The following CA8 variants were observed in gnomAD, a reference collection of about 807,000 sequenced individuals.
The protein encoded by CA8 is carbonic anhydrase 8 (inactive).
In CA8, 22 loss-of-function variants were observed where a neutral mutation model predicts 41.4. The observed-to-expected ratio is 0.53, with a 90% CI of 0.38 to 0.76. The LOEUF (loss-of-function observed/expected upper bound fraction) is 0.76. Among genes scored for constraint, CA8 ranks in the 30% least tolerant of loss-of-function variants. The probability of loss-of-function intolerance (pLI) is 0.00; values close to 1 mark genes in which losing one functional copy is unlikely to be tolerated. For missense variants in CA8, 270 were observed against 352.8 expected, an observed-to-expected ratio of 0.77 and a Z score of 1.88; for synonymous variants, 121 against 130.6, an observed-to-expected ratio of 0.93 and a Z score of 0.50.
chr8:60,190,957 T>TATATATAC (rs1554573722), intron 8 of CA8, among the ~76,000 whole-genome samples: 14 of 104,208 alleles, frequency 1.3e-4, no homozygotes, highest in African/African-American at 2.1e-4. Context: ...TATATATATA[T>TATATATAC]ACACACACAC....
intron 8 of CA8, among the ~76,000 whole-genome samples, chr8:60,193,648 G>C (rs1203447958): frequency 6.6e-6 from 1 of 152,150 alleles, no homozygotes. Context: ...CGTTGCTTTT[G>C]AGAAGTCTGG....
intron 2 of CA8, among the ~76,000 whole-genome samples, chr8:60,266,335 C>A (rs1334443061): frequency 6.6e-6 from 1 of 152,102 alleles, no homozygotes; most frequent in Non-Finnish European, 1.5e-5. Flanking sequence ...TAGAAGTAGA[C>A]AAGAAAAACA....
intron 8 of CA8, among the ~76,000 whole-genome samples, chr8:60,190,938 C>CTATATATATATATATATATA (rs35486936): frequency 2.3e-4 from 27 of 117,316 alleles, no homozygotes; most frequent in African/African-American, 3.4e-4. Context: ...CACACACACA[C>CTATATATATATATATATATA]TATATATATA....
chr8:60,248,801 G>T (rs748453161), intron 3 of CA8, among the ~76,000 whole-genome samples: 1 of 152,064 alleles, frequency 6.6e-6, no homozygotes, highest in African/African-American at 2.4e-5. Flanking sequence ...GTCAATGGTA[G>T]TTTAATGGGA....
At chr8:60,280,705 T>C (rs1804385304) in intron 1 of CA8, among the ~76,000 whole-genome samples, 1 of 152,244 alleles carries the variant, frequency 6.6e-6, no homozygotes, top group Non-Finnish European at 1.5e-5. Flanking sequence ...TTTAGTAAAA[T>C]GTACCGCTGC....
rs1283017147 is a variant in CA8 at position 60,202,255 on chromosome 8, T to G, written c.*35+6495A>C. ...TTTTAGTAGAGATGGGGTTTCACCA[T>G]GTTAGCCAGGATGCTCTTATCTCCT... On this transcript the variant is annotated intron_variant, in intron 8 of 8. Transcript: ENST00000317995. Among the ~76,000 whole-genome samples the G allele has an allele frequency of 8.6e-5, 13 of 151,342 alleles. No individual in the cohort carries two copies. The East Asian group carries it at 2.5e-3, about 30-fold the overall frequency.
At chr8:60,266,700 A>ATTGCTGGTCT (rs1803911891) in intron 2 of CA8, among the ~76,000 whole-genome samples, 1 of 152,228 alleles carries the variant, frequency 6.6e-6, no homozygotes, top group Admixed American at 6.5e-5. Flanking sequence ...ATTGCTGGAT[A>ATTGCTGGTCT]TGATCAAGAC....
At chr8:60,197,380 A>G (rs1387287644) in intron 8 of CA8, among the ~76,000 whole-genome samples, 2 of 152,176 alleles carry the variant, frequency 1.3e-5, no homozygotes, top group Admixed American at 6.6e-5. Flanking sequence ...AGAGAGGTCA[A>G]TGGACAATCA....
intron 3 of CA8, 107 bp downstream of exon 3, chr8:60,265,818 A>G: frequency 7.9e-7 from 1 of 1,260,800 alleles, no homozygotes; most frequent in Non-Finnish European, 1.1e-6. Context: ...ATAAACTGAT[A>G]AAATTCAAGA....
chr8:60,268,912 G>A (rs1264117616), intron 2 of CA8, among the ~76,000 whole-genome samples: 3 of 152,164 alleles, frequency 2.0e-5, no homozygotes, highest in African/African-American at 7.2e-5. Flanking sequence ...GGAACACTGA[G>A]AAGGGAAGTG....
At chr8:60,198,775 T>C (rs1317617596) in intron 8 of CA8, among the ~76,000 whole-genome samples, 2 of 152,196 alleles carry the variant, frequency 1.3e-5, no homozygotes, top group African/African-American at 4.8e-5. Flanking sequence ...TATAAGTAAA[T>C]GTGTATTTTA....
At chr8:60,224,607 A>G in intron 5 of CA8, 22 bp from the exon 6 acceptor site, 1 of 1,373,834 alleles carries the variant, frequency 7.3e-7, no homozygotes, top group Non-Finnish European at 1.0e-6. Flanking sequence ...AAAAATATTT[A>G]CCCAATGTTA....
chr8:60,210,902 C>T (rs1006209364), intron 7 of CA8, among the ~76,000 whole-genome samples: 1 of 152,120 alleles, frequency 6.6e-6, no homozygotes, highest in Non-Finnish European at 1.5e-5. Context: ...CTTCTAGAGA[C>T]GAAGCTGCAT....
intron 3 of CA8, among the ~76,000 whole-genome samples, chr8:60,256,231 C>T (rs1024491197): frequency 6.6e-6 from 1 of 152,154 alleles, no homozygotes; most frequent in Admixed American, 6.5e-5. Flanking sequence ...TTTTTATAGT[C>T]TCTTCCTGAG....
intron 8 of CA8, among the ~76,000 whole-genome samples, chr8:60,197,672 T>C (rs1237327258): frequency 2.6e-5 from 4 of 152,138 alleles, no homozygotes; most frequent in Non-Finnish European, 5.9e-5. Flanking sequence ...ATGCTATCAC[T>C]AAGAGGAGAG....
chr8:60,219,244 C>T (rs1426196348), intron 7 of CA8, among the ~76,000 whole-genome samples: 2 of 152,000 alleles, frequency 1.3e-5, no homozygotes, highest in East Asian at 3.9e-4. Flanking sequence ...CTGCAACCTC[C>T]ACCACCCGGG....
At chr8:60,236,329 T>C (rs10111628) in intron 3 of CA8, among the ~76,000 whole-genome samples, 108,461 of 152,082 alleles carry the variant, frequency 0.71, 38,924 homozygotes, top group Admixed American at 0.76. Context: ...TTCCAGCTTT[T>C]GGCCTACCTT....
At chr8:60,246,456 C>A (rs903803049) in intron 3 of CA8, among the ~76,000 whole-genome samples, 2 of 151,688 alleles carry the variant, frequency 1.3e-5, no homozygotes. Flanking sequence ...CCATGTCTGG[C>A]TAATTTTTTT....
rs991296491 is a variant in CA8 at position 60,187,823 on chromosome 8, C to T, written c.*2198G>A. The T allele has an allele frequency of 6.6e-6, 1 of 152,176 alleles. No homozygotes were observed. Among genetic ancestry groups the T allele is most frequent in the African/African-American group, 2.4e-5 (1 of 41,448 alleles). 9.4% of individuals were successfully genotyped at this position (152,176 alleles called of 1,614,324 possible). A position where few individuals can be genotyped will look rare whatever the true frequency, so the allele number is the denominator to read the frequency against. Reference sequence around the variant, plus strand: ...AGATCTATGACATTTGTCATTAATTCTCCCCTTTTTCTTTGGGAGATTCCT... The same window carrying T: ...AGATCTATGACATTTGTCATTAATTTTCCCCTTTTTCTTTGGGAGATTCCT... On this transcript the variant is annotated 3_prime_UTR_variant, in exon 9 of 9. Transcript: ENST00000317995.
Sources: allele counts gnomAD v4.1 joint callset (sites outside exome capture counted in the v4.1 genomes callset), GRCh38; gene constraint gnomAD v4.1.1; transcripts MANE v1.5; gene names NCBI Gene and HGNC (gene_info 2026-07-23, HGNC 2026-07-21).